SMIM8: variants seen among roughly 807,000 people sequenced by gnomAD.
SMIM8 encodes small integral membrane protein 8, also known as UPF0708 protein C6orf162.
In SMIM8, 8 loss-of-function variants were observed where a neutral mutation model predicts 8.1. The observed-to-expected ratio is 0.99, with a 90% CI of 0.58 to 1.78. The LOEUF (loss-of-function observed/expected upper bound fraction) is 1.78. Among genes scored for constraint, SMIM8 ranks in the 40% most tolerant of loss-of-function variants. SMIM8 has a pLI of 0.00. For synonymous variants in SMIM8, 45 were observed against 39.7 expected (o/e 1.13, Z -0.50); for missense variants, 126 against 119.8 (o/e 1.05, Z -0.24).
chr6:87,333,699 T>C (rs774781704), intron 2 of SMIM8, among the ~76,000 whole-genome samples: 24 of 152,170 alleles, frequency 1.6e-4, no homozygotes, highest in Non-Finnish European at 3.1e-4. Context: ...AAGAGAAAGT[T>C]TAAAAAGGGA....
chr6:87,338,906 CTTTT>C (rs58307492), intron 3 of SMIM8, among the ~76,000 whole-genome samples: 6 of 116,090 alleles, frequency 5.2e-5, no homozygotes, highest in African/African-American at 1.0e-4. Context: ...TATTTAAAAG[CTTTT>C]TTTTTTTTTT....
intron 1 of SMIM8, among the ~76,000 whole-genome samples, chr6:87,330,309 G>T (rs1393755882): frequency 1.3e-5 from 2 of 152,078 alleles, no homozygotes; most frequent in Non-Finnish European, 2.9e-5. Context: ...AACATTTTAT[G>T]ATTCTGGTCA....
chr6:87,340,567 T>C lies in SMIM8; in HGVS notation c.*293T>C, dbSNP rs1476028604. The stretch of plus-strand genomic sequence containing the variant: ...ATTATTAAATTCTGTATAATAAAAG[T>C]ACCCATGCTGTTAAATTTGCATGAT... On this transcript the variant is annotated 3_prime_UTR_variant, in exon 4 of 4. Coordinates refer to ENST00000392863, the MANE Select transcript of SMIM8 (RefSeq NM_001042493.3). 5.1e-6 allele frequency: 1 copy of C among 194,822 alleles called. No homozygotes were observed. Among genetic ancestry groups the C allele is most frequent in the Non-Finnish European group, 1.0e-5 (1 of 96,858 alleles). 12.1% of individuals were successfully genotyped at this position (194,822 alleles called of 1,614,324 possible).
intron 2 of SMIM8, among the ~76,000 whole-genome samples, chr6:87,334,652 C>T (rs1398386714): frequency 6.6e-6 from 1 of 152,196 alleles, no homozygotes; most frequent in Non-Finnish European, 1.5e-5. Context: ...GTTACCTTAT[C>T]ATATGCTTCA....
chr6:87,322,767 TC>T (rs910829146), intron 1 of SMIM8, 135 bp downstream of exon 1: 1 of 152,054 alleles, frequency 6.6e-6, no homozygotes, highest in Admixed American at 6.5e-5. Context: ...GAGCGTCCTC[TC>T]GGATAGCCCA....
intron 1 of SMIM8, among the ~76,000 whole-genome samples, chr6:87,325,514 T>C (rs1776796313): frequency 6.7e-6 from 1 of 149,190 alleles, no homozygotes; most frequent in Admixed American, 6.7e-5. Context: ...TCTGCATCTA[T>C]TGAGATAATC....
chr6:87,335,713 C>T (rs1459403648), intron 2 of SMIM8, among the ~76,000 whole-genome samples: 1 of 151,812 alleles, frequency 6.6e-6, no homozygotes, highest in Non-Finnish European at 1.5e-5. Flanking sequence ...CTTATACTGG[C>T]CAGGTGTGGT....
At chr6:87,324,094 G>C (rs1165905758) in intron 1 of SMIM8, among the ~76,000 whole-genome samples, 1 of 151,606 alleles carries the variant, frequency 6.6e-6, no homozygotes. Context: ...GTCTGTTCAT[G>C]TCCTTCGCCC....
chr6:87,334,927 T>C (rs385210), intron 2 of SMIM8, among the ~76,000 whole-genome samples: 95,529 of 152,088 alleles, frequency 0.63, 30,447 homozygotes, highest in African/African-American at 0.71. Flanking sequence ...AACATACTCC[T>C]ACACTTGGAT....
intron 2 of SMIM8, among the ~76,000 whole-genome samples, chr6:87,333,412 G>A (rs1299393913): frequency 3.3e-5 from 5 of 152,150 alleles, no homozygotes; most frequent in African/African-American, 7.2e-5. Flanking sequence ...TAGCACCCAC[G>A]TTTATAGTCA....
chr6:87,338,076 C>A (rs115385157), intron 3 of SMIM8, among the ~76,000 whole-genome samples: 1 of 152,158 alleles, frequency 6.6e-6, no homozygotes, highest in African/African-American at 2.4e-5. Context: ...TTAAATAGAT[C>A]AACTTAATCA....
chr6:87,328,937 C>T (rs955270767), intron 1 of SMIM8, among the ~76,000 whole-genome samples: 5 of 152,222 alleles, frequency 3.3e-5, no homozygotes, highest in African/African-American at 9.6e-5. Context: ...GAACCACGTG[C>T]GGGATATAAT....
intron 1 of SMIM8, among the ~76,000 whole-genome samples, chr6:87,324,895 C>T (rs117457311): frequency 0.077 from 11,665 of 152,242 alleles, 975 homozygotes; most frequent in African/African-American, 0.21. Context: ...ATTCTTCCTA[C>T]GCATGAGCAT....
At chr6:87,330,228 AT>A (rs1464286161) in intron 1 of SMIM8, among the ~76,000 whole-genome samples, 1 of 152,248 alleles carries the variant, frequency 6.6e-6, no homozygotes, top group South Asian at 2.1e-4. Flanking sequence ...TCATTAAAAT[AT>A]TTTGCCCATT....
chr6:87,328,294 A>T (rs1190474579), intron 1 of SMIM8, among the ~76,000 whole-genome samples: 7 of 152,154 alleles, frequency 4.6e-5, no homozygotes, highest in African/African-American at 1.7e-4. Context: ...GTTGCTCGTG[A>T]GGAACTGCGT....
intron 2 of SMIM8, 116 bp from the exon 3 acceptor site, chr6:87,336,893 A>C: frequency 1.5e-6 from 1 of 676,840 alleles, no homozygotes. Flanking sequence ...ACTGACAATC[A>C]CATTTGGTAT....
intron 2 of SMIM8, among the ~76,000 whole-genome samples, chr6:87,332,319 C>CATATATATATATATATATA (rs1562223234): frequency 7.2e-5 from 7 of 97,302 alleles, no homozygotes; most frequent in African/African-American, 3.3e-4. Flanking sequence ...TCCTCCCCCC[C>CATATATATATATATATATA]CATATATGTA....
intron 3 of SMIM8, 91 bp downstream of exon 3, chr6:87,337,257 A>T: frequency 7.1e-7 from 1 of 1,407,306 alleles, no homozygotes; most frequent in South Asian, 1.8e-5. Context: ...TTATCATGGA[A>T]ATTTTATGTT....
At chr6:87,322,737 C>G (rs1380246665) in intron 1 of SMIM8, 105 bp downstream of exon 1, 2 of 152,384 alleles carry the variant, frequency 1.3e-5, no homozygotes, top group East Asian at 3.9e-4. Flanking sequence ...GCTGCCCTGC[C>G]GGTCTCCCTC....
Sources: gnomAD v4.1 joint callset for allele counts (sites outside exome capture counted in the v4.1 genomes callset) on GRCh38, gnomAD v4.1.1 for gene constraint, MANE v1.5 for transcripts, NCBI Gene and HGNC (gene_info 2026-07-23, HGNC 2026-07-21) for gene names.